KCNIP4: variants seen among roughly 807,000 people sequenced by gnomAD.
KCNIP4 encodes the protein potassium voltage-gated channel interacting protein 4.
KCNIP4 carries 12 observed loss-of-function variants against 34.0 expected under a neutral mutation model. The ratio of observed to expected loss-of-function variants is 0.35; its 90% CI spans 0.23 to 0.57. The LOEUF (loss-of-function observed/expected upper bound fraction) is 0.57, where lower values mean the gene tolerates loss of function less well. Ranked by LOEUF, KCNIP4 falls within the 20% of genes least tolerant of loss-of-function variation. KCNIP4 has a pLI of 0.83. For missense variants in KCNIP4, 238 were observed against 311.7 expected, an observed-to-expected ratio of 0.76 and a Z score of 1.78; for synonymous variants, 124 against 102.2, an observed-to-expected ratio of 1.21 and a Z score of -1.29.
At chr4:21,663,003 T>G (rs1748562627) in intron 1 of KCNIP4, among the ~76,000 whole-genome samples, 1 of 152,134 alleles carries the variant, frequency 6.6e-6, no homozygotes, top group African/African-American at 2.4e-5. Flanking sequence ...TAATAGCTAT[T>G]TCCCTAGAAG....
At chr4:20,965,628 T>C (rs1734264992) in intron 1 of KCNIP4, among the ~76,000 whole-genome samples, 1 of 152,188 alleles carries the variant, frequency 6.6e-6, no homozygotes, top group Non-Finnish European at 1.5e-5. Context: ...CATGGAAAAA[T>C]GTATCTACTC....
intron 1 of KCNIP4, among the ~76,000 whole-genome samples, chr4:21,201,257 C>A (rs1031255321): frequency 2.0e-5 from 3 of 152,250 alleles, no homozygotes; most frequent in Admixed American, 2.0e-4. Flanking sequence ...TGGCATAAAG[C>A]TAACTCAAAT....
chr4:21,038,358 C>T (rs898395138), intron 1 of KCNIP4, among the ~76,000 whole-genome samples: 1 of 152,136 alleles, frequency 6.6e-6, no homozygotes, highest in Non-Finnish European at 1.5e-5. Flanking sequence ...TTATCTCTTG[C>T]TTTTTTTATT....
intron 1 of KCNIP4, among the ~76,000 whole-genome samples, chr4:21,690,484 T>A (rs2109042379): frequency 6.6e-6 from 1 of 152,122 alleles, no homozygotes; most frequent in East Asian, 1.9e-4. Context: ...ACAGATCTGA[T>A]TGTTAAAAAG....
At chr4:21,172,971 G>A (rs938820417) in intron 1 of KCNIP4, among the ~76,000 whole-genome samples, 6 of 152,116 alleles carry the variant, frequency 3.9e-5, no homozygotes, top group African/African-American at 1.4e-4. Flanking sequence ...GACTGCATAC[G>A]GAAGCGGCAC....
intron 1 of KCNIP4, among the ~76,000 whole-genome samples, chr4:20,889,522 T>C (rs772187997): frequency 1.1e-4 from 17 of 152,238 alleles, no homozygotes; most frequent in Non-Finnish European, 1.9e-4. Flanking sequence ...AACTCTACTC[T>C]GGAGGGCGGG....
At chr4:21,931,438 G>T (rs1444536017) in intron 1 of KCNIP4, among the ~76,000 whole-genome samples, 2 of 107,982 alleles carry the variant, frequency 1.9e-5, no homozygotes, top group African/African-American at 7.7e-5. Context: ...CCCACAACAG[G>T]CCCTGGTGTG....
chr4:21,376,576 G>C (rs1720978203), intron 1 of KCNIP4, among the ~76,000 whole-genome samples: 1 of 152,158 alleles, frequency 6.6e-6, no homozygotes, highest in Admixed American at 6.5e-5. Flanking sequence ...TTTTAAGGAG[G>C]TGTGTTCTAA....
intron 1 of KCNIP4, among the ~76,000 whole-genome samples, chr4:21,523,034 TAA>T (rs368418389): frequency 6.7e-6 from 1 of 149,766 alleles, no homozygotes; most frequent in South Asian, 2.1e-4. Flanking sequence ...GTGCCCTTAT[TAA>T]AAAAAAAGGG....
At chr4:21,597,691 A>C (rs543794755) in intron 1 of KCNIP4, among the ~76,000 whole-genome samples, 1 of 152,262 alleles carries the variant, frequency 6.6e-6, no homozygotes, top group South Asian at 2.1e-4. Context: ...TCATTCAAAA[A>C]GAGTTGGCAG....
intron 3 of KCNIP4, among the ~76,000 whole-genome samples, chr4:20,849,738 C>T (rs978590121): frequency 3.3e-5 from 5 of 152,140 alleles, no homozygotes; most frequent in Admixed American, 2.6e-4. Flanking sequence ...GATGTGTATG[C>T]TATTTGATAC....
chr4:21,678,452 G>A (rs982561371), intron 1 of KCNIP4, among the ~76,000 whole-genome samples: 2 of 152,174 alleles, frequency 1.3e-5, no homozygotes, highest in Non-Finnish European at 2.9e-5. Flanking sequence ...AATTGTAACT[G>A]CTGTGTTTAG....
At chr4:20,869,446 T>C (rs1239824579) in intron 2 of KCNIP4, among the ~76,000 whole-genome samples, 2 of 152,098 alleles carry the variant, frequency 1.3e-5, no homozygotes, top group Non-Finnish European at 2.9e-5. Context: ...ATTCAATTAA[T>C]GATATTGTTG....
intron 1 of KCNIP4, among the ~76,000 whole-genome samples, chr4:20,962,734 G>T (rs532824001): frequency 7.2e-5 from 11 of 152,302 alleles, no homozygotes; most frequent in South Asian, 4.1e-4. Flanking sequence ...ATGTTGCAGT[G>T]CTGAAAAATA....
intron 1 of KCNIP4, among the ~76,000 whole-genome samples, chr4:21,805,310 T>G (rs962418098): frequency 6.6e-6 from 1 of 152,178 alleles, no homozygotes; most frequent in Admixed American, 6.5e-5. Flanking sequence ...GTACTCTCCA[T>G]AATTCCCATG....
At chr4:21,737,126 C>A (rs181543242) in intron 1 of KCNIP4, among the ~76,000 whole-genome samples, 29 of 152,280 alleles carry the variant, frequency 1.9e-4, no homozygotes, top group Admixed American at 1.8e-3. Context: ...TATTTAGTGA[C>A]CAAGTCAGAA....
chr4:20,846,874 C>T lies in KCNIP4; in HGVS notation c.288+3669G>A, dbSNP rs576252299. ...TTGAAGAGCTTTATAAATCCTAATG[C>T]TGAAGCTTTTTCCCAGAGCAATTAC... On this transcript the variant is annotated intron_variant, in intron 3 of 8. Coordinates refer to ENST00000382152, the MANE Select transcript of KCNIP4 (RefSeq NM_025221.6). 1.2e-4 allele frequency among the ~76,000 whole-genome samples: 18 copies of T among 152,312 alleles called. No homozygotes were observed. The South Asian group carries it at 3.5e-3, about 30-fold the overall frequency.
intron 1 of KCNIP4, among the ~76,000 whole-genome samples, chr4:21,558,550 GC>G (rs1386662204): frequency 7.4e-6 from 1 of 134,752 alleles, no homozygotes; most frequent in African/African-American, 2.6e-5. Flanking sequence ...TTCAGTCTGT[GC>G]TTTTTCAGGA....
At chr4:21,381,473 A>T (rs1448164023) in intron 1 of KCNIP4, among the ~76,000 whole-genome samples, 1 of 152,174 alleles carries the variant, frequency 6.6e-6, no homozygotes, top group African/African-American at 2.4e-5. Flanking sequence ...TGGCTCATTC[A>T]TGTACATAGA....
Sources: allele counts gnomAD v4.1 joint callset (sites outside exome capture counted in the v4.1 genomes callset), GRCh38; gene constraint gnomAD v4.1.1; transcripts MANE v1.5; gene names NCBI Gene and HGNC (gene_info 2026-07-23, HGNC 2026-07-21).